The following GSG1L2 variants were observed in gnomAD, a reference collection of about 807,000 sequenced individuals.
The protein encoded by GSG1L2 is GSG1 like 2, also known as germ cell-specific gene 1-like protein 2.
Under a neutral mutation model 9.0 loss-of-function variants are expected in GSG1L2, and 15 were observed. The ratio of observed to expected loss-of-function variants is 1.67; its 90% CI spans 1.12 to 2.57. The LOEUF is 2.57. Among genes scored for constraint, GSG1L2 ranks in the 30% most tolerant of loss-of-function variants. The pLI is 0.00. For missense variants in GSG1L2, 286 were observed against 150.3 expected (o/e 1.90, Z -4.72); for synonymous variants, 127 against 57.9 (o/e 2.19, Z -5.41).
At chr17:9,804,828 G>A (rs944534986) in intron 4 of GSG1L2, 2 of 152,134 alleles carry the variant, frequency 1.3e-5, no homozygotes, top group African/African-American at 2.4e-5. Flanking sequence ...GGAGGGGAAA[G>A]AATTCTAAAG....
chr17:9,812,960 AG>A (rs1336208911), intron 1 of GSG1L2, among the ~76,000 whole-genome samples: 2 of 152,124 alleles, frequency 1.3e-5, no homozygotes, highest in African/African-American at 2.4e-5. Flanking sequence ...CTTGCTCTCT[AG>A]CCTCTTCTTA....
chr17:9,800,952 A>G lies in GSG1L2; in HGVS notation c.*1434T>C, dbSNP rs192291584. 3.3e-5 allele frequency among the ~76,000 whole-genome samples: 5 copies of G among 152,348 alleles called. No individual in the cohort carries two copies. Among genetic ancestry groups the G allele is most frequent in the African/African-American group, 1.2e-4 (5 of 41,580 alleles). ...CTATCTCTCATATATGCTTAGCGCA[A>G]TGAAACACAAAATTCCACAGAAGCA... On this transcript the variant is annotated 3_prime_UTR_variant, in exon 5 of 5. Transcript: ENST00000399363.
intron 1 of GSG1L2, among the ~76,000 whole-genome samples, chr17:9,819,124 C>T (rs528867024): frequency 6.1e-4 from 93 of 152,188 alleles, no homozygotes; most frequent in Middle Eastern, 3.4e-3. Context: ...ATGAGTAACA[C>T]CAGATAAAAT....
In GSG1L2 at chr17:9,801,510, C is replaced by T. The variant is rs1325400072; in HGVS notation, c.*876G>A. Among the ~76,000 whole-genome samples the T allele has an allele frequency of 6.6e-6, 1 of 152,162 alleles. No individual in the cohort carries two copies. Among genetic ancestry groups the T allele is most frequent in the Non-Finnish European group, 1.5e-5 (1 of 68,038 alleles). Reference sequence around the variant, plus strand: ...GGATTACAGGCGTGAGCCACTACACCCACCCCCTTTCTTTTTTCAAAAAAT... The same window carrying T: ...GGATTACAGGCGTGAGCCACTACACTCACCCCCTTTCTTTTTTCAAAAAAT... On this transcript the variant is annotated 3_prime_UTR_variant, in exon 5 of 5. Coordinates refer to ENST00000399363, the MANE Select transcript of GSG1L2 (RefSeq NM_001310219.2).
intron 4 of GSG1L2, chr17:9,804,951 G>A (rs1391990584): frequency 1.3e-5 from 2 of 151,956 alleles, no homozygotes; most frequent in Admixed American, 1.3e-4. Flanking sequence ...AGCAAGATCA[G>A]GATATTATGA....
chr17:9,821,169 C>G (rs2066588087), intron 1 of GSG1L2, among the ~76,000 whole-genome samples: 1 of 152,158 alleles, frequency 6.6e-6, no homozygotes, highest in African/African-American at 2.4e-5. Flanking sequence ...GCGTCCCAAG[C>G]AGAAAGGGAA....
At chr17:9,805,903 G>T (rs3842953) in intron 4 of GSG1L2, among the ~76,000 whole-genome samples, 94,184 of 151,312 alleles carry the variant, frequency 0.62, 29,331 homozygotes, top group Middle Eastern at 0.72. Context: ...TCCTTACGGA[G>T]AACATTTCTG....
Position 9,802,427 on chromosome 17 carries a change from G to A in GSG1L2, c.841C>T (p.His281Tyr), listed in dbSNP as rs1308822682. 1.4e-6 allele frequency: 1 copy of A among 695,786 alleles called. No individual in the cohort carries two copies. The allele number at this position is 695,786 out of a possible 1,614,324, so 43.1% of individuals were successfully genotyped here. ...AEQAFRNVSGHLPPGAPGKVS... is the reference protein window; with the variant it reads ...AEQAFRNVSGYLPPGAPGKVS... The stretch of plus-strand genomic sequence containing the variant: ...TTGCCTGGGGCGCCTGGTGGGAGGT[G>A]TCCAGAAACATTCCTGAAGGCTTGT... Residue 281 changes from histidine (H) to tyrosine (Y), a missense_variant, in exon 5 of 5, where the codon CAC becomes TAC. Transcript: ENST00000399363.
In GSG1L2 at chr17:9,806,809, T is replaced by C. The variant is rs1481631284; in HGVS notation, c.623+681A>G. On this transcript the variant is annotated intron_variant, in intron 4 of 4. Coordinates refer to ENST00000399363, the MANE Select transcript of GSG1L2 (RefSeq NM_001310219.2). The stretch of plus-strand genomic sequence containing the variant: ...TTTGTAAAAATTAACATCTTCAGAC[T>C]GGGAAGACGAAGACTAAGAAAAGTT... Among the ~76,000 whole-genome samples the C allele has an allele frequency of 2.0e-5, 3 of 152,292 alleles. No individual in the cohort carries two copies. The South Asian group carries it at 6.2e-4, about 32-fold the overall frequency.
intron 1 of GSG1L2, among the ~76,000 whole-genome samples, chr17:9,819,000 A>G (rs992200966): frequency 1.2e-4 from 19 of 152,146 alleles, no homozygotes; most frequent in Admixed American, 9.8e-4. Flanking sequence ...ACTGTCAGTG[A>G]ATTCACTCTG....
In GSG1L2 at chr17:9,801,776, G is replaced by T. The variant is rs982420143; in HGVS notation, c.*610C>A. ...AGATAAGATGTCATTCCATTTGACT[G>T]TGTTTTCATTTCTATCATTCGACTG... On this transcript the variant is annotated 3_prime_UTR_variant, in exon 5 of 5. Transcript: ENST00000399363. Among the ~76,000 whole-genome samples the T allele has an allele frequency of 5.9e-5, 9 of 152,194 alleles. No homozygotes were observed. Among genetic ancestry groups the T allele is most frequent in the African/African-American group, 2.2e-4 (9 of 41,448 alleles).
rs563877740 is a variant in GSG1L2, at chr17:9,802,662, C to T, written c.624-18G>A. On this transcript the variant is annotated intron_variant, in intron 4 of 4. Transcript: ENST00000399363. ...AGGCAAGGCTGTCAACAGAAGGCAC[C>T]GTTAGGAAAGGGCTGAGGGCTGTGA... is the stretch of plus-strand genomic sequence containing the variant. 1.9e-4 allele frequency: 133 copies of T among 701,914 alleles called. 1 individual carries two copies. Among genetic ancestry groups the T allele is most frequent in the African/African-American group, 1.8e-3 (102 of 57,264 alleles). The allele number at this position is 701,914 out of a possible 1,614,324, so 43.5% of individuals were successfully genotyped here. A position where few individuals can be genotyped will look rare whatever the true frequency, so the allele number is the denominator to read the frequency against.
rs73256728 is a variant in GSG1L2 at position 9,801,633 on chromosome 17, C to A, written c.*753G>T. Among the ~76,000 whole-genome samples the A allele has an allele frequency of 0.013, 2,054 of 152,326 alleles. 37 individuals carry two copies. The highest frequency in any genetic ancestry group is 0.055 in the South Asian group (264 of 4,826). ...GCAGATGACTGTATTAGGAATCCTGCAGCCCACCACTGCCTCCAACAAGAC... is the reference window on the plus strand; with the variant it reads ...GCAGATGACTGTATTAGGAATCCTGAAGCCCACCACTGCCTCCAACAAGAC... On this transcript the variant is annotated 3_prime_UTR_variant, in exon 5 of 5. Coordinates refer to ENST00000399363, the MANE Select transcript of GSG1L2 (RefSeq NM_001310219.2).
intron 1 of GSG1L2, among the ~76,000 whole-genome samples, chr17:9,811,369 A>G (rs1177300646): frequency 6.6e-6 from 1 of 152,198 alleles, no homozygotes; most frequent in Non-Finnish European, 1.5e-5. Context: ...CACCAGACTC[A>G]TTTATGTGCT....
At chr17:9,816,896 CTG>C (rs201299125) in intron 1 of GSG1L2, among the ~76,000 whole-genome samples, 4 of 134,854 alleles carry the variant, frequency 3.0e-5, no homozygotes, top group South Asian at 2.3e-4. Context: ...GTGTGTGTAT[CTG>C]TGTGTGTGTA....
intron 1 of GSG1L2, among the ~76,000 whole-genome samples, chr17:9,815,652 A>T (rs1469717030): frequency 6.6e-6 from 1 of 152,218 alleles, no homozygotes; most frequent in Admixed American, 6.5e-5. Context: ...GGACTTCAAG[A>T]TACTTTTTCT....
intron 3 of GSG1L2, 179 bp from the exon 4 acceptor site, chr17:9,807,780 G>A: frequency 1.7e-6 from 1 of 578,426 alleles, no homozygotes; most frequent in Non-Finnish European, 3.1e-6. Flanking sequence ...AAACTGAAGA[G>A]ACATCCGGAA....
chr17:9,800,749 G>A lies in GSG1L2; in HGVS notation c.*1637C>T, dbSNP rs2066493589. Among the ~76,000 whole-genome samples the A allele has an allele frequency of 6.6e-6, 1 of 152,198 alleles. No individual in the cohort carries two copies. Among genetic ancestry groups the A allele is most frequent in the Non-Finnish European group, 1.5e-5 (1 of 68,048 alleles). On this transcript the variant is annotated 3_prime_UTR_variant, in exon 5 of 5. Coordinates refer to ENST00000399363, the MANE Select transcript of GSG1L2 (RefSeq NM_001310219.2). Reference sequence around the variant, plus strand: ...GAGACTTTGACCTGATATCGTGACAGTCACACAGGACCTGCCTACATGAAT... The same window carrying A: ...GAGACTTTGACCTGATATCGTGACAATCACACAGGACCTGCCTACATGAAT...
chr17:9,813,094 A>G (rs2066545558), intron 1 of GSG1L2, among the ~76,000 whole-genome samples: 1 of 152,098 alleles, frequency 6.6e-6, no homozygotes, highest in Non-Finnish European at 1.5e-5. Flanking sequence ...TGGGGAGGGG[A>G]CACAAATATC....
Sources: gnomAD v4.1 joint callset for allele counts (sites outside exome capture counted in the v4.1 genomes callset) on GRCh38, gnomAD v4.1.1 for gene constraint, MANE v1.5 for transcripts, NCBI Gene and HGNC (gene_info 2026-07-23, HGNC 2026-07-21) for gene names.